PLD5: variants seen among roughly 807,000 people sequenced by gnomAD.
The protein encoded by PLD5 is inactive phospholipase D5.
In PLD5, 36 loss-of-function variants were observed where a neutral mutation model predicts 61.1. The observed-to-expected ratio is 0.59, with a 90% CI of 0.45 to 0.78. The LOEUF is 0.78. Among genes scored for constraint, PLD5 ranks in the 30% least tolerant of loss-of-function variants. The pLI is 0.00. For missense variants in PLD5, 515 were observed against 644.4 expected, an observed-to-expected ratio of 0.80 and a Z score of 2.17; for synonymous variants, 243 against 242.8, an observed-to-expected ratio of 1.00 and a Z score of -0.01.
chr1:242,458,055 A>G (rs1666997187), intron 1 of PLD5, among the ~76,000 whole-genome samples: 1 of 152,118 alleles, frequency 6.6e-6, no homozygotes, highest in South Asian at 2.1e-4. Flanking sequence ...TTAGATATTC[A>G]AACTTGGGCT....
rs111810404 is a variant in PLD5 at position 242,305,958 on chromosome 1, G to C, written c.327-17428C>G. Among the ~76,000 whole-genome samples, 1,007 of 152,278 alleles carry C rather than the reference G, an allele frequency of 6.6e-3. 12 individuals carry two copies. Among genetic ancestry groups the C allele is most frequent in the African/African-American group, 0.023 (958 of 41,546 alleles). On this transcript the variant is annotated intron_variant, in intron 2 of 9. Coordinates refer to ENST00000536534, the MANE Select transcript of PLD5 (RefSeq NM_001372062.1). ...GAGAAGGTCCTCACAACTGGAAAGG[G>C]GGGGAAGTCCATGGGTCTTGCAAGG...
At chr1:242,212,828 T>G (rs1471261153) in intron 5 of PLD5, among the ~76,000 whole-genome samples, 1 of 152,228 alleles carries the variant, frequency 6.6e-6, no homozygotes, top group Non-Finnish European at 1.5e-5. Context: ...AAAAAACCTC[T>G]TTCTGATAAT....
At chr1:242,330,715 C>G (rs1177315938) in intron 2 of PLD5, among the ~76,000 whole-genome samples, 3 of 152,072 alleles carry the variant, frequency 2.0e-5, no homozygotes, top group Admixed American at 6.6e-5. Context: ...TTAAAAAAAG[C>G]TAAAGACCTA....
chr1:242,092,586 G>T (rs988600390), intron 9 of PLD5, among the ~76,000 whole-genome samples: 6 of 152,126 alleles, frequency 3.9e-5, no homozygotes, highest in African/African-American at 1.4e-4. Flanking sequence ...AAGGGAACTG[G>T]CAGGCTTTAG....
chr1:242,133,288 G>A (rs1405138671), intron 5 of PLD5, among the ~76,000 whole-genome samples: 1 of 152,120 alleles, frequency 6.6e-6, no homozygotes, highest in Non-Finnish European at 1.5e-5. Flanking sequence ...CAATCAGACT[G>A]GTTGTGGGCC....
chr1:242,454,921 G>A (rs1666900035), intron 1 of PLD5, among the ~76,000 whole-genome samples: 1 of 152,190 alleles, frequency 6.6e-6, no homozygotes, highest in South Asian at 2.1e-4. Context: ...TCAGCTGTCA[G>A]GAATTATGTA....
intron 7 of PLD5, among the ~76,000 whole-genome samples, chr1:242,110,808 T>TCACACACACACA (rs111464015): frequency 3.3e-5 from 5 of 150,064 alleles, no homozygotes; most frequent in Middle Eastern, 3.2e-3. Context: ...AAACTCTGTC[T>TCACACACACACA]CACACACACA....
chr1:242,130,062 T>A (rs1322719988), intron 5 of PLD5, among the ~76,000 whole-genome samples: 1 of 151,998 alleles, frequency 6.6e-6, no homozygotes, highest in Non-Finnish European at 1.5e-5. Flanking sequence ...ATCTTTTTTT[T>A]TTTTTTTGAG....
chr1:242,086,594 G>T lies in PLD5; in HGVS notation c.*3260C>A, dbSNP rs1659490768. 1 of 152,122 alleles carries T rather than the reference G, an allele frequency of 6.6e-6. No individual in the cohort carries two copies. The highest frequency in any genetic ancestry group is 1.5e-5 in the Non-Finnish European group (1 of 68,076). The allele number at this position is 152,122 out of a possible 1,614,324, so 9.4% of individuals were successfully genotyped here. A position where few individuals can be genotyped will look rare whatever the true frequency, so the allele number is the denominator to read the frequency against. Reference sequence around the variant, plus strand: ...AATGATTTGATTTGGCGGGGGGGTGGATAAAGGTGATGGGGCTTGGGAAGA... The same window carrying T: ...AATGATTTGATTTGGCGGGGGGGTGTATAAAGGTGATGGGGCTTGGGAAGA... On this transcript the variant is annotated 3_prime_UTR_variant, in exon 10 of 10. Coordinates refer to ENST00000536534, the MANE Select transcript of PLD5 (RefSeq NM_001372062.1).
intron 2 of PLD5, among the ~76,000 whole-genome samples, chr1:242,312,457 C>G (rs1402914140): frequency 6.6e-6 from 1 of 152,040 alleles, no homozygotes; most frequent in Non-Finnish European, 1.5e-5. Flanking sequence ...GTCTCAATTT[C>G]TCTAATAGTC....
intron 4 of PLD5, among the ~76,000 whole-genome samples, chr1:242,260,356 A>C (rs1333731129): frequency 6.6e-6 from 1 of 151,858 alleles, no homozygotes; most frequent in Non-Finnish European, 1.5e-5. Flanking sequence ...CAAAAAAAAA[A>C]AAAAAGAATT....
At chr1:242,515,219 T>TGTGTGA (rs796268002) in intron 1 of PLD5, among the ~76,000 whole-genome samples, 1 of 150,724 alleles carries the variant, frequency 6.6e-6, no homozygotes, top group African/African-American at 2.4e-5. Flanking sequence ...TGTGTGTGTG[T>TGTGTGA]GAGAGAGAGA....
intron 2 of PLD5, among the ~76,000 whole-genome samples, chr1:242,309,711 C>T (rs1231433997): frequency 6.7e-6 from 1 of 149,850 alleles, no homozygotes; most frequent in African/African-American, 2.4e-5. Context: ...ACAGGAAATA[C>T]TTCTCCTTCC....
chr1:242,325,528 T>G (rs1274816753), intron 2 of PLD5, among the ~76,000 whole-genome samples: 11 of 152,030 alleles, frequency 7.2e-5, no homozygotes, highest in Non-Finnish European at 1.3e-4. Context: ...AGAGTCAGTC[T>G]TGCTCTGTCG....
At chr1:242,094,684 AAGG>A (rs1199954079) in intron 9 of PLD5, among the ~76,000 whole-genome samples, 6 of 152,160 alleles carry the variant, frequency 3.9e-5, no homozygotes, top group Admixed American at 2.0e-4. Context: ...GGGAAGAAGA[AAGG>A]AGAGAGCCAG....
intron 5 of PLD5, among the ~76,000 whole-genome samples, chr1:242,156,999 G>A (rs1470511254): frequency 3.9e-5 from 6 of 152,232 alleles, no homozygotes; most frequent in South Asian, 2.1e-4. Flanking sequence ...CCAATCAAAC[G>A]TAGATTTGGT....
At chr1:242,390,251 G>A (rs896987260) in intron 1 of PLD5, among the ~76,000 whole-genome samples, 3 of 151,954 alleles carry the variant, frequency 2.0e-5, no homozygotes, top group Non-Finnish European at 2.9e-5. Context: ...GCAGAGACAG[G>A]GTTTCACCTT....
chr1:242,403,890 TC>T (rs1231951281), intron 1 of PLD5, among the ~76,000 whole-genome samples: 3 of 152,180 alleles, frequency 2.0e-5, no homozygotes, highest in African/African-American at 7.2e-5. Flanking sequence ...CTAGATGAAC[TC>T]TGAGGTTCCT....
chr1:242,379,670 T>C (rs777455065), intron 1 of PLD5, among the ~76,000 whole-genome samples: 1 of 152,136 alleles, frequency 6.6e-6, no homozygotes, highest in Non-Finnish European at 1.5e-5. Context: ...CAGAAACACA[T>C]GCAGTTTCCA....
Sources: allele counts gnomAD v4.1 joint callset (sites outside exome capture counted in the v4.1 genomes callset), GRCh38; gene constraint gnomAD v4.1.1; transcripts MANE v1.5; gene names NCBI Gene and HGNC (gene_info 2026-07-23, HGNC 2026-07-21).